Variants in SEPTIN8 observed in about 807,000 individuals in gnomAD.
SEPTIN8 encodes the protein septin 8, also known as septin-8.
A neutral mutation model predicts 53.1 loss-of-function variants in SEPTIN8; 22 were observed. The observed-to-expected ratio is 0.41, with a 90% confidence interval of 0.30 to 0.59. The LOEUF is 0.59. Among genes scored for constraint, SEPTIN8 ranks in the 20% least tolerant of loss-of-function variants. SEPTIN8 has a pLI of 0.24. For missense variants in SEPTIN8, 536 were observed against 638.7 expected, an observed-to-expected ratio of 0.84 and a Z score of 1.73; for synonymous variants, 228 against 248.4, an observed-to-expected ratio of 0.92 and a Z score of 0.77.
rs1044254660 is a variant in SEPTIN8, at chr5:132,751,006, G to A, written c.*1010C>T. On this transcript the variant is annotated 3_prime_UTR_variant, in exon 10 of 10. Coordinates refer to ENST00000378719, the MANE Select transcript of SEPTIN8 (RefSeq NM_001098811.2). ...TGGACTTCTTGACTATAGTGAGTAA[G>A]GAGGTGTTTACAGAGTCTACCCTAA... is the stretch of plus-strand genomic sequence containing the variant. 8 of 1,611,952 alleles carry A rather than the reference G, an allele frequency of 5.0e-6. No individual in the cohort carries two copies. The highest frequency in any genetic ancestry group is 6.8e-6 in the Non-Finnish European group (8 of 1,179,522).
chr5:132,761,327 G>C lies in SEPTIN8; in HGVS notation c.963-62C>G, dbSNP rs1394469468. 5.6e-6 allele frequency: 9 copies of C among 1,604,312 alleles called. No homozygotes were observed. The African/African-American group carries it at 1.2e-4, about 21-fold the overall frequency. Reference sequence around the variant, plus strand: ...TTATGACGGAATGGGATAGGGCAGGGCAGAGCCAGAGAAGTAGAATCATGT... The same window carrying C: ...TTATGACGGAATGGGATAGGGCAGGCCAGAGCCAGAGAAGTAGAATCATGT... On this transcript the variant is annotated intron_variant, in intron 7 of 9. Coordinates refer to ENST00000378719, the MANE Select transcript of SEPTIN8 (RefSeq NM_001098811.2). This position sits in a 1 kb window ranked among gnomAD's most constrained non-coding sequence, Gnocchi z 5.8.
intron 9 of SEPTIN8, among the ~76,000 whole-genome samples, chr5:132,754,919 G>A (rs1169567774): frequency 2.0e-5 from 3 of 152,212 alleles, no homozygotes; most frequent in Admixed American, 1.3e-4. Flanking sequence ...CAGAAAGAAA[G>A]GTAGGTGGGC....
At chr5:132,756,897 G>C (rs1755395323) in intron 9 of SEPTIN8, 1 of 985,420 alleles carries the variant, frequency 1.0e-6, no homozygotes, top group African/African-American at 1.7e-5. Flanking sequence ...CAATGAACCT[G>C]CTGGGTCACC....
At chr5:132,752,717 A>G (rs1754959149) in intron 9 of SEPTIN8, 2 of 633,640 alleles carry the variant, frequency 3.2e-6, no homozygotes, top group East Asian at 2.7e-5. Flanking sequence ...TTGGAAATGG[A>G]TGTCCCTGAG....
chr5:132,772,035 C>T (rs1757374746), intron 1 of SEPTIN8, among the ~76,000 whole-genome samples: 2 of 152,162 alleles, frequency 1.3e-5, no homozygotes, highest in Admixed American at 6.5e-5. Flanking sequence ...AAGGATCACC[C>T]GCCATGGTCC....
intron 9 of SEPTIN8, chr5:132,757,195 T>G: frequency 1.0e-6 from 1 of 978,374 alleles, no homozygotes; most frequent in Non-Finnish European, 1.2e-6. Context: ...CTTAAAGAAG[T>G]CTTTCTAAAT....
At chr5:132,775,769 T>C (rs1206399355) in intron 1 of SEPTIN8, 1 of 152,202 alleles carries the variant, frequency 6.6e-6, no homozygotes, top group Non-Finnish European at 1.5e-5. Flanking sequence ...AGCAGGTCTG[T>C]TAGGATTCAG....
At position 132,764,332 on chromosome 5, in the gene SEPTIN8, C is replaced by T. The variant is rs1756351587; in HGVS notation, c.239G>A (p.Cys80Tyr). The change falls in exon 3 of 10, where the codon TGC (cysteine) becomes TAC (tyrosine). Residue 80 changes from cysteine to tyrosine, a missense_variant. This residue lies in a region of SEPTIN8 where 395 missense variants were observed against 451.8 expected (regional missense o/e 0.87). Coordinates refer to ENST00000378719, the MANE Select transcript of SEPTIN8 (RefSeq NM_001098811.2). The part of the protein sequence containing the change: ...ETEEASHHEA[C>Y]VRLRPQTYDL... ...ATAGGTCTGGGGCCGCAGGCGCACG[C>T]ATGCCTCATGGTGACTGGCTTCCTC... The T allele has an allele frequency of 1.2e-6, 2 of 1,614,086 alleles. No homozygotes were observed.
intron 1 of SEPTIN8, among the ~76,000 whole-genome samples, chr5:132,769,996 TATATATATATATATATATATATATATAC>T (rs1270761109): frequency 2.7e-4 from 12 of 44,600 alleles, no homozygotes; most frequent in South Asian, 1.1e-3. Context: ...TATATATATA[TATATATATATATATATATATATATATAC>T]ACACACATAT....
chr5:132,765,465 T>G lies in SEPTIN8; in HGVS notation c.95A>C (p.Asp32Ala), dbSNP rs374508628. 164 of 1,613,376 alleles carry G rather than the reference T, an allele frequency of 1.0e-4. No homozygotes were observed. The highest frequency in any genetic ancestry group is 1.2e-4 in the Non-Finnish European group (147 of 1,179,688). The change falls in exon 2 of 10, where the codon GAC becomes GCC. Residue 32 changes from aspartate to alanine, a missense_variant. Transcript: ENST00000378719. ...AGTGACCGACTTGCTGACCAGCTGG[T>G]CGGGGAGGCTGTCGAAACCCACATG... ...GGHVGFDSLP[D>A]QLVSKSVTQG...
intron 1 of SEPTIN8, among the ~76,000 whole-genome samples, chr5:132,769,220 A>T (rs1756930240): frequency 6.6e-6 from 1 of 152,204 alleles, no homozygotes; most frequent in African/African-American, 2.4e-5. Flanking sequence ...AAACTGAAGC[A>T]CACAGAAGCT....
rs1229692249 is a variant in SEPTIN8, at chr5:132,777,165, T to C, written c.-28A>G. The C allele has an allele frequency of 8.3e-6, 5 of 604,990 alleles. No individual in the cohort carries two copies. In the African/African-American group the frequency reaches 1.0e-4, roughly 12 times the overall value. The allele number at this position is 604,990 out of a possible 1,614,324, so 37.5% of individuals were successfully genotyped here. ...CGAGCTCCGCACCGGGCGGGTGGGC[T>C]GGGACGAGCGCAGGGGCAGCGACAG... On this transcript the variant is annotated 5_prime_UTR_variant, in exon 1 of 10. Transcript: ENST00000378719. This position sits in a 1 kb window ranked among gnomAD's most constrained non-coding sequence, Gnocchi z 4.1.
At chr5:132,769,521 T>C (rs1234487279) in intron 1 of SEPTIN8, among the ~76,000 whole-genome samples, 1 of 152,162 alleles carries the variant, frequency 6.6e-6, no homozygotes, top group African/African-American at 2.4e-5. Context: ...TTAATAACAA[T>C]GGCAACAACA....
In SEPTIN8 at chr5:132,761,652, T is replaced by C; in HGVS notation, c.794-26A>G. On this transcript the variant is annotated intron_variant, in intron 6 of 9. Transcript: ENST00000378719. The surrounding 1 kb of genome is among the most constrained non-coding windows in gnomAD (Gnocchi z 5.8). ...CTGAAAGCAGAGGGCCGGTGGGGTA[T>C]CAGGCAGGCATGCAGGCGGGCACAC... 1 of 1,611,508 alleles carries C rather than the reference T, an allele frequency of 6.2e-7. No homozygotes were observed. Among genetic ancestry groups the C allele is most frequent in the African/African-American group, 1.3e-5 (1 of 74,974 alleles).
In SEPTIN8 at chr5:132,751,182, C is replaced by T. The variant is rs758941459; in HGVS notation, c.*834G>A. On this transcript the variant is annotated 3_prime_UTR_variant, in exon 10 of 10. Transcript: ENST00000378719. ...AGGTATCTTAAATCCAACACAGTTC[C>T]ACCAGACTCCCACTTCTAAAGGACA... 3.7e-6 allele frequency: 2 copies of T among 534,752 alleles called. No homozygotes were observed. Among genetic ancestry groups the T allele is most frequent in the Non-Finnish European group, 6.3e-6 (2 of 318,004 alleles). The allele number at this position is 534,752 out of a possible 1,614,324, so 33.1% of individuals were successfully genotyped here.
chr5:132,754,564 G>A, intron 9 of SEPTIN8: 1 of 716,760 alleles, frequency 1.4e-6, no homozygotes, highest in Non-Finnish European at 2.6e-6. Context: ...TAGGACTGGG[G>A]TAAGAGACAA....
chr5:132,752,754 G>A (rs1754962437), intron 9 of SEPTIN8: 1 of 782,466 alleles, frequency 1.3e-6, no homozygotes, highest in South Asian at 1.6e-5. Context: ...TCCTTAGTTG[G>A]GTGGTTGGAC....
intron 5 of SEPTIN8, 102 bp downstream of exon 5, chr5:132,762,382 G>T (rs1223317170): frequency 2.5e-6 from 3 of 1,195,654 alleles, no homozygotes; most frequent in Non-Finnish European, 3.6e-6. Context: ...AGAAGCTAAG[G>T]CTGGAATCCT....
At chr5:132,778,216 T>G, upstream of SEPTIN8, 1 of 509,316 alleles carries the variant, frequency 2.0e-6, no homozygotes, top group Non-Finnish European at 2.5e-6. Flanking sequence ...TCTGGGAATG[T>G]GGCAAGGTTT....
Sources: gnomAD v4.1 joint callset for allele counts (sites outside exome capture counted in the v4.1 genomes callset) on GRCh38, gnomAD v4.1.1 for gene constraint, gnomAD v4.1.1 regional missense constraint, Gnocchi (gnomAD v3.1) non-coding constraint, MANE v1.5 for transcripts, NCBI Gene and HGNC (gene_info 2026-07-23, HGNC 2026-07-21) for gene names.